PDE8A: variants seen among roughly 807,000 people sequenced by gnomAD.
PDE8A encodes the protein phosphodiesterase 8A.
In PDE8A, 59 loss-of-function variants were observed where a neutral mutation model predicts 105.0. That is an observed-to-expected ratio of 0.56 (90% confidence interval 0.46 to 0.70). The LOEUF is 0.70. PDE8A is among the 30% of genes least tolerant of loss of function. The probability of loss-of-function intolerance (pLI) is 0.00; values close to 1 mark genes in which losing one functional copy is unlikely to be tolerated. For missense variants in PDE8A, 1,014 were observed against 1,045.9 expected (o/e 0.97, Z 0.42); for synonymous variants, 355 against 371.9 (o/e 0.95, Z 0.52).
intron 12 of PDE8A, among the ~76,000 whole-genome samples, chr15:85,112,635 T>C (rs2082037074): frequency 6.6e-6 from 1 of 152,176 alleles, no homozygotes; most frequent in African/African-American, 2.4e-5. Context: ...ATTGGTAAAA[T>C]GAGGTTGACA....
At chr15:85,031,951 A>G (rs985232968) in intron 1 of PDE8A, among the ~76,000 whole-genome samples, 2 of 152,208 alleles carry the variant, frequency 1.3e-5, no homozygotes, top group Non-Finnish European at 2.9e-5. Context: ...TTTGCGAATA[A>G]CATTCACTTA....
At chr15:85,136,475 C>T (rs1297561991) in intron 20 of PDE8A, 59 bp from the exon 21 acceptor site, 1 of 1,563,058 alleles carries the variant, frequency 6.4e-7, no homozygotes, top group East Asian at 2.3e-5. Context: ...GGAGGGGCTG[C>T]CCCTAGGTGG....
intron 1 of PDE8A, among the ~76,000 whole-genome samples, chr15:84,992,428 G>A (rs1198254089): frequency 2.0e-5 from 3 of 152,172 alleles, no homozygotes; most frequent in African/African-American, 7.2e-5. Context: ...GATAGGACGG[G>A]AGGTCTAAAA....
chr15:85,107,206 C>T (rs564669683), intron 11 of PDE8A, among the ~76,000 whole-genome samples: 1 of 152,084 alleles, frequency 6.6e-6, no homozygotes, highest in South Asian at 2.1e-4. Flanking sequence ...GGCACATTTC[C>T]AAGTAGGTGG....
At chr15:85,080,022 C>A (rs765312589) in intron 5 of PDE8A, among the ~76,000 whole-genome samples, 1 of 151,980 alleles carries the variant, frequency 6.6e-6, no homozygotes, top group Non-Finnish European at 1.5e-5. Context: ...ATAACAGTTA[C>A]AAGACACTTA....
intron 16 of PDE8A, 133 bp downstream of exon 16, chr15:85,116,252 G>T: frequency 1.3e-6 from 1 of 777,004 alleles, no homozygotes. Flanking sequence ...GGAGTAACAG[G>T]GCACCAGGTG....
intron 11 of PDE8A, among the ~76,000 whole-genome samples, chr15:85,108,436 A>G (rs1014124513): frequency 1.1e-4 from 17 of 152,192 alleles, no homozygotes; most frequent in Non-Finnish European, 2.1e-4. Flanking sequence ...AGGGGTCAGG[A>G]AGGTAAGTCA....
intron 1 of PDE8A, among the ~76,000 whole-genome samples, chr15:85,052,041 C>G (rs1387837141): frequency 6.6e-6 from 1 of 151,306 alleles, no homozygotes; most frequent in Non-Finnish European, 1.5e-5. Flanking sequence ...TCTCATTGTT[C>G]AATTCCCACC....
chr15:85,090,997 A>G, intron 7 of PDE8A, 47 bp from the exon 8 acceptor site: 1 of 1,552,744 alleles, frequency 6.4e-7, no homozygotes, highest in Non-Finnish European at 8.8e-7. Context: ...CTCTTTTTCA[A>G]AATGACTTTT....
chr15:85,019,384 A>G (rs1435107938), intron 1 of PDE8A, among the ~76,000 whole-genome samples: 1 of 152,090 alleles, frequency 6.6e-6, no homozygotes, highest in Non-Finnish European at 1.5e-5. Flanking sequence ...AAAATTTTTG[A>G]TTTGAGTGAT....
At chr15:85,097,665 T>A in intron 8 of PDE8A, 1 of 298,334 alleles carries the variant, frequency 3.4e-6, no homozygotes, top group Non-Finnish European at 6.1e-6. Flanking sequence ...TAAGGGGGAG[T>A]GCCCTTTATT....
intron 1 of PDE8A, among the ~76,000 whole-genome samples, chr15:85,009,108 AGAGTGTGT>A (rs1555465253): frequency 5.8e-3 from 246 of 42,220 alleles, no homozygotes; most frequent in African/African-American, 0.023. Flanking sequence ...AGAGAGAGAG[AGAGTGTGT>A]GTGTGTGTGT....
chr15:85,000,990 G>A (rs572806723), intron 1 of PDE8A, among the ~76,000 whole-genome samples: 1 of 152,274 alleles, frequency 6.6e-6, no homozygotes, highest in African/African-American at 2.4e-5. Flanking sequence ...AAAAGGAGCA[G>A]AGTGAGCAAA....
intron 20 of PDE8A, among the ~76,000 whole-genome samples, chr15:85,127,877 G>T (rs1490288599): frequency 6.6e-6 from 1 of 152,002 alleles, no homozygotes; most frequent in Non-Finnish European, 1.5e-5. Flanking sequence ...TGGAAGATAT[G>T]CCCTGTTTGG....
At chr15:85,000,303 T>G (rs536658762) in intron 1 of PDE8A, among the ~76,000 whole-genome samples, 1 of 152,334 alleles carries the variant, frequency 6.6e-6, no homozygotes, top group South Asian at 2.1e-4. Flanking sequence ...TCAGTGCTGC[T>G]GAATATACTG....
At chr15:85,078,548 C>A (rs1357780074) in intron 5 of PDE8A, among the ~76,000 whole-genome samples, 62 of 94,358 alleles carry the variant, frequency 6.6e-4, no homozygotes, top group South Asian at 1.4e-3. Flanking sequence ...TACTCCATCT[C>A]AAAAAAAAAA....
intron 4 of PDE8A, among the ~76,000 whole-genome samples, 197 bp from the exon 5 acceptor site, chr15:85,076,534 AAT>A (rs1257205333): frequency 6.6e-6 from 1 of 152,148 alleles, no homozygotes. Flanking sequence ...CAAGTATTAT[AAT>A]ATATAATTCC....
chr15:85,117,740 C>G lies in PDE8A; in HGVS notation c.1635C>G (p.Ile545Met). 3 of 1,613,652 alleles carry G rather than the reference C, an allele frequency of 1.9e-6. No homozygotes were observed. The highest frequency in any genetic ancestry group is 1.7e-6 in the Non-Finnish European group (2 of 1,179,542). Reference sequence around the variant, plus strand: ...CGCTAAGATCATGGTTACAAATTATCGAAGCCAATTATCATTCCTCCAATC... The same window carrying G: ...CGCTAAGATCATGGTTACAAATTATGGAAGCCAATTATCATTCCTCCAATC... ...ESTLRSWLQI[I>M]EANYHSSNPY... The change falls in exon 17 of 22, where the codon ATC becomes ATG. Residue 545 changes from isoleucine to methionine, a missense_variant. By Grantham distance (10) the Ile-to-Met change is conservative. Coordinates refer to ENST00000394553, the MANE Select transcript of PDE8A (RefSeq NM_002605.3).
intron 1 of PDE8A, among the ~76,000 whole-genome samples, chr15:84,994,962 C>CAA (rs11439217): frequency 4.3e-4 from 61 of 141,286 alleles, no homozygotes; most frequent in Middle Eastern, 3.6e-3. Context: ...AACTCTGTCT[C>CAA]AAAAAAAAAA....
Sources: allele counts gnomAD v4.1 joint callset (sites outside exome capture counted in the v4.1 genomes callset), GRCh38; gene constraint gnomAD v4.1.1; transcripts MANE v1.5; gene names NCBI Gene and HGNC (gene_info 2026-07-23, HGNC 2026-07-21).